MTA3: variants seen among roughly 807,000 people sequenced by gnomAD.
MTA3 encodes the protein metastasis associated 1 family member 3.
MTA3 carries 34 observed loss-of-function variants against 83.5 expected under a neutral mutation model. The ratio of observed to expected loss-of-function variants is 0.41; its 90% CI spans 0.31 to 0.54. MTA3 has a LOEUF of 0.54. Ranked by LOEUF, MTA3 falls within the 20% of genes least tolerant of loss-of-function variation. The pLI is 0.33. For synonymous variants in MTA3, 303 were observed against 252.7 expected, an observed-to-expected ratio of 1.20 and a Z score of -1.89; for missense variants, 761 against 726.4, an observed-to-expected ratio of 1.05 and a Z score of -0.55.
chr2:42,685,441 T>C (rs2104445033), intron 9 of MTA3, among the ~76,000 whole-genome samples: 1 of 152,260 alleles, frequency 6.6e-6, no homozygotes, highest in Non-Finnish European at 1.5e-5. Context: ...GATACTGCCG[T>C]CCCTGCTGTG....
intron 3 of MTA3, among the ~76,000 whole-genome samples, chr2:42,579,805 C>T (rs562667659): frequency 2.1e-4 from 32 of 151,924 alleles, no homozygotes; most frequent in African/African-American, 7.7e-4. Context: ...CCACCTTGGC[C>T]TCTCAAAGAG....
intron 8 of MTA3, among the ~76,000 whole-genome samples, chr2:42,673,124 G>C (rs909333948): frequency 6.6e-6 from 1 of 151,852 alleles, no homozygotes; most frequent in African/African-American, 2.4e-5. Context: ...AAAGTGCTGG[G>C]ATTACAGGTG....
chr2:42,684,583 T>G (rs1037846833), intron 9 of MTA3, among the ~76,000 whole-genome samples: 6 of 152,130 alleles, frequency 3.9e-5, no homozygotes, highest in Non-Finnish European at 5.9e-5. Flanking sequence ...ATTAAAATAA[T>G]AGAGCTACAG....
intron 16 of MTA3, among the ~76,000 whole-genome samples, chr2:42,748,054 G>A (rs1573845993): frequency 6.6e-6 from 1 of 151,954 alleles, no homozygotes; most frequent in South Asian, 2.1e-4. Flanking sequence ...TTTTGAAAGG[G>A]AGTCTCCCTC....
chr2:42,754,219 C>G lies in MTA3; in HGVS notation c.*820C>G. On this transcript the variant is annotated 3_prime_UTR_variant, in exon 17 of 17. Coordinates refer to ENST00000405094, the MANE Select transcript of MTA3 (RefSeq NM_001330442.2). ...TGCTTACTGCCCTGTTCCCTTGCAG[C>G]CAAACCAGCTGATGAAGAACTGCTG... 1.0e-6 allele frequency: 1 copy of G among 985,480 alleles called. No homozygotes were observed. The highest frequency in any genetic ancestry group is 1.7e-5 in the African/African-American group (1 of 57,356). 61.0% of individuals were successfully genotyped at this position (985,480 alleles called of 1,614,324 possible).
At chr2:42,710,326 G>A (rs138134813) in intron 14 of MTA3, among the ~76,000 whole-genome samples, 2,410 of 152,212 alleles carry the variant, frequency 0.016, 57 homozygotes, top group African/African-American at 0.055. Flanking sequence ...GCCGAGGTGG[G>A]TGGATCACCT....
intron 7 of MTA3, among the ~76,000 whole-genome samples, chr2:42,658,383 T>G (rs1689364031): frequency 6.6e-6 from 1 of 152,172 alleles, no homozygotes; most frequent in Non-Finnish European, 1.5e-5. Flanking sequence ...ATGGCACTAT[T>G]CATAGTAACC....
chr2:42,664,469 T>C (rs1690037594), intron 8 of MTA3, among the ~76,000 whole-genome samples: 1 of 99,174 alleles, frequency 1.0e-5, no homozygotes, highest in Non-Finnish European at 2.0e-5. Flanking sequence ...CGCTTACCTT[T>C]TTTTTTTTTT....
chr2:42,570,103 T>A (rs1296730358), intron 1 of MTA3, among the ~76,000 whole-genome samples: 1 of 152,156 alleles, frequency 6.6e-6, no homozygotes, highest in Non-Finnish European at 1.5e-5. Flanking sequence ...GTGGAAGTAG[T>A]TATAGTACAG....
chr2:42,595,173 G>C (rs1276347204), intron 3 of MTA3, among the ~76,000 whole-genome samples: 6 of 130,500 alleles, frequency 4.6e-5, no homozygotes, highest in Non-Finnish European at 7.7e-5. Flanking sequence ...CCAGTGACGC[G>C]ATCTCAGCTC....
chr2:42,610,867 G>A (rs1271345460), intron 4 of MTA3, among the ~76,000 whole-genome samples: 1 of 151,864 alleles, frequency 6.6e-6, no homozygotes, highest in Non-Finnish European at 1.5e-5. Context: ...TTAAAGAAAT[G>A]CCTTCAACTT....
At chr2:42,585,134 G>A in intron 3 of MTA3, among the ~76,000 whole-genome samples, 1 of 151,742 alleles carries the variant, frequency 6.6e-6, no homozygotes, top group Non-Finnish European at 1.5e-5. Flanking sequence ...TGTTGCCTAG[G>A]CTGGAGTGCA....
chr2:42,518,971 ACACACACACACACAC>A (rs1452221830), intron 2 of MTA3, among the ~76,000 whole-genome samples: 1 of 114 alleles, frequency 8.8e-3, no homozygotes, highest in Admixed American at 0.1. Flanking sequence ...TTCTCAAAAC[ACACACACACACACAC>A]ACACACACAC....
chr2:42,677,111 T>G (rs2104423429), intron 8 of MTA3, among the ~76,000 whole-genome samples: 1 of 152,134 alleles, frequency 6.6e-6, no homozygotes, highest in African/African-American at 2.4e-5. Context: ...CAGTAAGAGA[T>G]CAACAAGAAT....
chr2:42,749,342 G>A (rs2104602391), intron 16 of MTA3, among the ~76,000 whole-genome samples: 1 of 152,246 alleles, frequency 6.6e-6, no homozygotes, highest in South Asian at 2.1e-4. Flanking sequence ...ACTTAAGAGT[G>A]GCTCTCACTT....
chr2:42,673,590 T>A (rs1255536425), intron 8 of MTA3, among the ~76,000 whole-genome samples: 1 of 152,242 alleles, frequency 6.6e-6, no homozygotes, highest in Non-Finnish European at 1.5e-5. Context: ...CAGATTCTGA[T>A]AGCAGTTTTT....
chr2:42,626,550 C>T (rs1686120305), intron 4 of MTA3, among the ~76,000 whole-genome samples: 1 of 151,844 alleles, frequency 6.6e-6, no homozygotes, highest in Admixed American at 6.6e-5. Flanking sequence ...CCTGCCTCGG[C>T]CCCCCAAAGT....
At chr2:42,610,641 A>G (rs758951366) in intron 4 of MTA3, among the ~76,000 whole-genome samples, 2 of 152,196 alleles carry the variant, frequency 1.3e-5, no homozygotes, top group African/African-American at 2.4e-5. Flanking sequence ...ATTGTAGTGT[A>G]TAATCAGTGC....
intron 2 of MTA3, among the ~76,000 whole-genome samples, chr2:42,548,376 G>T (rs1033311048): frequency 6.6e-6 from 1 of 152,090 alleles, no homozygotes; most frequent in Non-Finnish European, 1.5e-5. Flanking sequence ...TGAGGCACAA[G>T]AATTGCTTGA....
Sources: allele counts gnomAD v4.1 joint callset (sites outside exome capture counted in the v4.1 genomes callset), GRCh38; gene constraint gnomAD v4.1.1; transcripts MANE v1.5; gene names NCBI Gene and HGNC (gene_info 2026-07-23, HGNC 2026-07-21).